Variants in NCKAP5 observed in about 807,000 individuals in gnomAD.
NCKAP5 encodes the protein NCK associated protein 5.
A neutral mutation model predicts 167.0 loss-of-function variants in NCKAP5; 92 were observed. The observed-to-expected ratio is 0.55, with a 90% CI of 0.47 to 0.66. The LOEUF is 0.66. Ranked by LOEUF, NCKAP5 falls within the 30% of genes least tolerant of loss-of-function variation. NCKAP5 has a pLI of 0.00. For missense variants in NCKAP5, 2,378 were observed against 2,315.0 expected, an observed-to-expected ratio of 1.03 and a Z score of -0.56; for synonymous variants, 891 against 877.4, an observed-to-expected ratio of 1.02 and a Z score of -0.27.
At chr2:133,442,524 C>T (rs1690924598) in intron 3 of NCKAP5, among the ~76,000 whole-genome samples, 1 of 152,154 alleles carries the variant, frequency 6.6e-6, no homozygotes, top group African/African-American at 2.4e-5. Flanking sequence ...TAAAACCATC[C>T]AAGCCCCCAA....
At chr2:133,504,450 A>C (rs542431497) in intron 3 of NCKAP5, among the ~76,000 whole-genome samples, 15 of 131,686 alleles carry the variant, frequency 1.1e-4, no homozygotes, top group Middle Eastern at 3.6e-3. Flanking sequence ...CATGCATTTA[A>C]GGTAGCAATG....
At chr2:133,004,004 A>T (rs1192230696) in intron 6 of NCKAP5, among the ~76,000 whole-genome samples, 1 of 152,202 alleles carries the variant, frequency 6.6e-6, no homozygotes, top group Admixed American at 6.5e-5. Flanking sequence ...CACATGGAGT[A>T]GAAGGAACTC....
intron 16 of NCKAP5, among the ~76,000 whole-genome samples, chr2:132,744,647 C>A (rs1171293974): frequency 2.1e-5 from 3 of 141,106 alleles, no homozygotes; most frequent in Admixed American, 7.0e-5. Context: ...AAAAAAAAAA[C>A]AATTTAAAAA....
intron 6 of NCKAP5, among the ~76,000 whole-genome samples, chr2:133,011,011 AT>A (rs1414644397): frequency 1.3e-5 from 2 of 152,368 alleles, no homozygotes; most frequent in East Asian, 3.9e-4. Context: ...AAAATAAAAA[AT>A]AAGGAAAATT....
chr2:133,547,348 A>G (rs966603010), intron 2 of NCKAP5, among the ~76,000 whole-genome samples: 6 of 152,148 alleles, frequency 3.9e-5, no homozygotes, highest in Admixed American at 1.3e-4. Flanking sequence ...CAAAGCAGCC[A>G]GGAAGCTCGA....
intron 4 of NCKAP5, among the ~76,000 whole-genome samples, chr2:133,244,005 A>G (rs2087854616): frequency 6.6e-6 from 1 of 152,236 alleles, no homozygotes; most frequent in African/African-American, 2.4e-5. Context: ...GGAAAATGGT[A>G]GACAAGCTAA....
the NCKAP5 span, among the ~76,000 whole-genome samples, chr2:133,647,366 AGG>A: frequency 9.2e-6 from 1 of 108,960 alleles, no homozygotes; most frequent in Admixed American, 1.0e-4. Context: ...AAAGGAAGGA[AGG>A]AAGAAAGAAA....
In NCKAP5 at chr2:133,208,297, C is replaced by T. The variant is rs117196042; in HGVS notation, c.207+5419G>A. Among the ~76,000 whole-genome samples the T allele has an allele frequency of 1.5e-3, 227 of 152,166 alleles. 2 individuals carry two copies. The East Asian group carries it at 0.032, about 22-fold the overall frequency. ...AGGCTGCAGAGAGCTGACACTGTAC[C>T]GCTGCATTCTGGCCTGGGCAACAGA... On this transcript the variant is annotated intron_variant, in intron 5 of 19. Transcript: ENST00000409261.
intron 4 of NCKAP5, among the ~76,000 whole-genome samples, chr2:133,258,653 G>A (rs2088745872): frequency 6.6e-6 from 1 of 152,050 alleles, no homozygotes; most frequent in Non-Finnish European, 1.5e-5. Flanking sequence ...GCTGAGGTGG[G>A]AGGAATACTT....
the NCKAP5 span, among the ~76,000 whole-genome samples, chr2:133,652,995 GT>G: frequency 6.6e-6 from 1 of 152,140 alleles, no homozygotes; most frequent in South Asian, 2.1e-4. Context: ...AAATTAATGA[GT>G]TTTAAAAGTA....
chr2:133,465,011 T>C (rs1014632945), intron 3 of NCKAP5, among the ~76,000 whole-genome samples: 2 of 152,028 alleles, frequency 1.3e-5, no homozygotes, highest in African/African-American at 2.4e-5. Context: ...TTTTGCTTTT[T>C]TTTTTTATTA....
In NCKAP5 at chr2:132,784,366, T is replaced by A; in HGVS notation, c.2445A>T (p.Lys815Asn). 1 of 1,613,974 alleles carries A rather than the reference T, an allele frequency of 6.2e-7. No individual in the cohort carries two copies. ...GTGTGGTGGCTTCGGGCTCCATTAGTTTTGATTTCTGAGGTGAAGACTTGC... is the reference window on the plus strand; with the variant it reads ...GTGTGGTGGCTTCGGGCTCCATTAGATTTGATTTCTGAGGTGAAGACTTGC... ...PRGKSSPQKS[K>N]LMEPEATTLL... The change falls in exon 14 of 20, where the codon AAA becomes AAT. Residue 815 changes from lysine to asparagine, a missense_variant. This residue lies in a region of NCKAP5 where 1,049 missense variants were observed against 1,023.4 expected (regional missense o/e 1.02). Transcript: ENST00000409261.
At chr2:133,313,223 T>C (rs549919796) in intron 3 of NCKAP5, among the ~76,000 whole-genome samples, 2 of 152,150 alleles carry the variant, frequency 1.3e-5, no homozygotes, top group African/African-American at 4.8e-5. Context: ...TCTGGCTAGA[T>C]GCAAAGCCAT....
intron 5 of NCKAP5, among the ~76,000 whole-genome samples, chr2:133,159,707 T>C (rs889356754): frequency 2.0e-5 from 3 of 152,110 alleles, no homozygotes; most frequent in African/African-American, 7.2e-5. Flanking sequence ...ATACAGTAAA[T>C]AGTATTTAAA....
At chr2:133,033,957 A>AAGGGATAACAGATAACTTCCCAAACCT (rs2078963305) in intron 6 of NCKAP5, among the ~76,000 whole-genome samples, 2 of 152,180 alleles carry the variant, frequency 1.3e-5, no homozygotes, top group South Asian at 4.1e-4. Context: ...AGTTTATTCA[A>AAGGGATAACAGATAACTTCCCAAACCT]AGGGATAACA....
intron 5 of NCKAP5, among the ~76,000 whole-genome samples, chr2:133,132,924 C>T (rs146488997): frequency 0.055 from 8,389 of 152,208 alleles, 285 homozygotes; most frequent in African/African-American, 0.089. Flanking sequence ...GATCTGCCCG[C>T]CTCAGCCTCC....
chr2:133,375,692 T>G (rs547102136), intron 3 of NCKAP5, among the ~76,000 whole-genome samples: 1 of 152,288 alleles, frequency 6.6e-6, no homozygotes, highest in Non-Finnish European at 1.5e-5. Context: ...GAACATGAGG[T>G]ATGTGGCTTT....
At chr2:133,280,880 T>G (rs76498001) in intron 4 of NCKAP5, among the ~76,000 whole-genome samples, 21,085 of 152,190 alleles carry the variant, frequency 0.14, 1,463 homozygotes, top group East Asian at 0.16. Context: ...ACCAAAAATA[T>G]TTACTATGTG....
chr2:132,862,319 A>C (rs1017443557), intron 10 of NCKAP5, among the ~76,000 whole-genome samples: 7 of 152,246 alleles, frequency 4.6e-5, no homozygotes, highest in Non-Finnish European at 7.3e-5. Context: ...GGTATAGCCC[A>C]CTACAGTTTC....
Sources: allele counts gnomAD v4.1 joint callset (sites outside exome capture counted in the v4.1 genomes callset), GRCh38; gene constraint gnomAD v4.1.1; regional missense constraint gnomAD v4.1.1; transcripts MANE v1.5; gene names NCBI Gene and HGNC (gene_info 2026-07-23, HGNC 2026-07-21).